The following NRXN3 variants were observed in gnomAD, a reference collection of about 807,000 sequenced individuals.
NRXN3 encodes the protein neurexin 3.
NRXN3 carries 32 observed loss-of-function variants against 137.6 expected under a neutral mutation model. The ratio of observed to expected loss-of-function variants is 0.23; its 90% CI spans 0.18 to 0.31. The LOEUF (loss-of-function observed/expected upper bound fraction) is 0.31. Among genes scored for constraint, NRXN3 ranks in the 10% least tolerant of loss-of-function variants. The probability of loss-of-function intolerance (pLI) is 1.00; values close to 1 mark genes in which losing one functional copy is unlikely to be tolerated. For missense variants in NRXN3, 1,574 were observed against 2,062.5 expected (o/e 0.76, Z 4.59); for synonymous variants, 798 against 784.5 (o/e 1.02, Z -0.29).
At chr14:78,395,473 T>A (rs1045954978) in intron 4 of NRXN3, among the ~76,000 whole-genome samples, 3 of 151,930 alleles carry the variant, frequency 2.0e-5, no homozygotes, top group Non-Finnish European at 4.4e-5. Flanking sequence ...TGGAAAAAAA[T>A]GTGTATTCTT....
intron 20 of NRXN3, among the ~76,000 whole-genome samples, chr14:79,836,303 A>G (rs8016178): frequency 0.91 from 137,918 of 151,902 alleles, 62,639 homozygotes; most frequent in East Asian, 0.95. Flanking sequence ...TCTTACAACC[A>G]TCAGTTCCAT....
intron 15 of NRXN3, among the ~76,000 whole-genome samples, chr14:79,224,134 T>G (rs1349106407): frequency 6.6e-6 from 1 of 152,134 alleles, no homozygotes; most frequent in Non-Finnish European, 1.5e-5. Flanking sequence ...GGAACTGTCT[T>G]CGTTAAACAG....
rs892002016 is a variant in NRXN3, at chr14:79,034,357, C to G, written c.3262+46216C>G. On this transcript the variant is annotated intron_variant, in intron 15 of 20. Transcript: ENST00000335750. ...TTATGGTTCTTATTTCTTACACACA[C>G]ACACACACACACACACACACAGGTT... Among the ~76,000 whole-genome samples, 18 of 149,464 alleles carry G rather than the reference C, an allele frequency of 1.2e-4. 1 individual carries two copies. The highest frequency in any genetic ancestry group is 6.3e-4 in the South Asian group (3 of 4,776).
intron 15 of NRXN3, among the ~76,000 whole-genome samples, chr14:79,107,555 C>T (rs554833297): frequency 4.6e-5 from 7 of 152,148 alleles, no homozygotes; most frequent in South Asian, 4.2e-4. Context: ...TTATGAAACA[C>T]GGATTGTAAG....
At chr14:78,656,133 T>TA (rs1044842115) in intron 6 of NRXN3, among the ~76,000 whole-genome samples, 2 of 152,048 alleles carry the variant, frequency 1.3e-5, no homozygotes, top group Non-Finnish European at 2.9e-5. Context: ...CCCAAACCTA[T>TA]AATATGCCAA....
chr14:78,813,028 CAT>C (rs1027378513), intron 10 of NRXN3, among the ~76,000 whole-genome samples: 45 of 1,200 alleles, frequency 0.037, no homozygotes, highest in Admixed American at 0.071. Flanking sequence ...AAATATAATA[CAT>C]TTTTTTTCTG....
intron 10 of NRXN3, among the ~76,000 whole-genome samples, chr14:78,879,043 T>C (rs1214774962): frequency 6.6e-6 from 1 of 152,230 alleles, no homozygotes; most frequent in Non-Finnish European, 1.5e-5. Flanking sequence ...TTTTATCTTT[T>C]TAAAGGCTCA....
intron 15 of NRXN3, among the ~76,000 whole-genome samples, chr14:79,274,947 CT>C (rs1412550256): frequency 6.6e-6 from 1 of 152,072 alleles, no homozygotes; most frequent in East Asian, 1.9e-4. Flanking sequence ...ATGCCATTGT[CT>C]TTTTTTAAGC....
chr14:79,532,182 A>C (rs1168174123), intron 16 of NRXN3, among the ~76,000 whole-genome samples: 1 of 152,154 alleles, frequency 6.6e-6, no homozygotes, highest in Non-Finnish European at 1.5e-5. Context: ...CCACATTAGC[A>C]TTTATAGCAT....
At chr14:78,488,766 G>A (rs2095611044) in intron 4 of NRXN3, among the ~76,000 whole-genome samples, 1 of 147,450 alleles carries the variant, frequency 6.8e-6, no homozygotes, top group South Asian at 2.3e-4. Flanking sequence ...GGAGGAGGAT[G>A]AAGAAGAAGA....
intron 16 of NRXN3, among the ~76,000 whole-genome samples, chr14:79,500,248 A>AC (rs1171292714): frequency 3.6e-4 from 54 of 150,544 alleles, no homozygotes; most frequent in Middle Eastern, 3.4e-3. Flanking sequence ...AAAAAAAAAA[A>AC]AAAAAAAACC....
chr14:79,215,299 G>T (rs1337341203), intron 15 of NRXN3, among the ~76,000 whole-genome samples: 1 of 151,882 alleles, frequency 6.6e-6, no homozygotes, highest in Non-Finnish European at 1.5e-5. Flanking sequence ...TATAATATTT[G>T]CAGCTTGGTC....
At chr14:78,995,153 A>T (rs2099527330) in intron 15 of NRXN3, among the ~76,000 whole-genome samples, 1 of 152,222 alleles carries the variant, frequency 6.6e-6, no homozygotes, top group African/African-American at 2.4e-5. Context: ...CTGCATAAAA[A>T]CATAGAACTG....
At position 79,682,416 on chromosome 14, in the gene NRXN3, T is replaced by C. The variant is rs79385512; in HGVS notation, c.3617-9757T>C. Reference sequence around the variant, plus strand: ...GACATACTACAACTACGGCATCCCCTGAGGTTATTTCTTCTCTGGGAAAAT... The same window carrying C: ...GACATACTACAACTACGGCATCCCCCGAGGTTATTTCTTCTCTGGGAAAAT... On this transcript the variant is annotated intron_variant, in intron 17 of 20. Coordinates refer to ENST00000335750, the MANE Select transcript of NRXN3 (RefSeq NM_001330195.2). Among the ~76,000 whole-genome samples the C allele has an allele frequency of 7.2e-3, 1,090 of 152,290 alleles. 16 individuals carry two copies. The highest frequency in any genetic ancestry group is 0.024 in the African/African-American group (1,015 of 41,568).
intron 10 of NRXN3, among the ~76,000 whole-genome samples, chr14:78,847,212 A>G (rs1802392969): frequency 6.6e-6 from 1 of 152,026 alleles, no homozygotes; most frequent in African/African-American, 2.4e-5. Context: ...TAAACAACAC[A>G]TTTACGGTTA....
At chr14:79,292,113 G>A (rs1408780214) in intron 15 of NRXN3, among the ~76,000 whole-genome samples, 1 of 152,150 alleles carries the variant, frequency 6.6e-6, no homozygotes, top group Non-Finnish European at 1.5e-5. Context: ...CTTAGGTCAG[G>A]TAATCTGTGC....
At chr14:79,599,108 T>C (rs1183100844) in intron 16 of NRXN3, among the ~76,000 whole-genome samples, 1 of 152,216 alleles carries the variant, frequency 6.6e-6, no homozygotes, top group Non-Finnish European at 1.5e-5. Context: ...CCGAGCTCCC[T>C]TTTGAAAACT....
At chr14:79,112,662 G>T (rs1392210381) in intron 15 of NRXN3, among the ~76,000 whole-genome samples, 1 of 152,210 alleles carries the variant, frequency 6.6e-6, no homozygotes, top group Non-Finnish European at 1.5e-5. Flanking sequence ...TAAACAATGT[G>T]AAATGCAGTA....
chr14:79,302,529 A>G (rs541029734), intron 15 of NRXN3, among the ~76,000 whole-genome samples: 91 of 152,036 alleles, frequency 6.0e-4, no homozygotes, highest in African/African-American at 2.2e-3. Context: ...GTGAGAGCTC[A>G]ATATTTCAAG....
Sources: allele counts gnomAD v4.1 joint callset (sites outside exome capture counted in the v4.1 genomes callset), GRCh38; gene constraint gnomAD v4.1.1; transcripts MANE v1.5; gene names NCBI Gene and HGNC (gene_info 2026-07-23, HGNC 2026-07-21).